Variants in IRF3 observed in about 807,000 individuals in gnomAD.
The protein encoded by IRF3 is interferon regulatory factor 3.
A neutral mutation model predicts 43.2 loss-of-function variants in IRF3; 29 were observed. That is an observed-to-expected ratio of 0.67 (90% CI 0.50 to 0.91). The LOEUF (loss-of-function observed/expected upper bound fraction) is 0.91. Among genes scored for constraint, IRF3 ranks in the 40% least tolerant of loss-of-function variants. IRF3 has a pLI of 0.00. For synonymous variants in IRF3, 228 were observed against 233.9 expected, an observed-to-expected ratio of 0.97 and a Z score of 0.23; for missense variants, 505 against 559.1, an observed-to-expected ratio of 0.90 and a Z score of 0.98.
At position 49,665,809 on chromosome 19, in the gene IRF3, C is replaced by G; in HGVS notation, c.-187G>C. ...ACCAACTTTATCATTCTTTGGGTAACAGACCCAAAAGCCGATGGGACGGCC... is the reference window on the plus strand; with the variant it reads ...ACCAACTTTATCATTCTTTGGGTAAGAGACCCAAAAGCCGATGGGACGGCC... On this transcript the variant is annotated 5_prime_UTR_variant, in exon 1 of 8. Coordinates refer to ENST00000377139, the MANE Select transcript of IRF3 (RefSeq NM_001571.6). The G allele has an allele frequency of 6.3e-7, 1 of 1,579,810 alleles. No homozygotes were observed. The highest frequency in any genetic ancestry group is 1.4e-5 in the African/African-American group (1 of 74,020).
In IRF3 at chr19:49,661,078, C is replaced by T. The variant is rs910068511; in HGVS notation, c.983-250G>A. 8.2e-5 allele frequency: 40 copies of T among 487,332 alleles called. No homozygotes were observed. The South Asian group carries it at 9.7e-4, about 12-fold the overall frequency. The allele number at this position is 487,332 out of a possible 1,614,324, so 30.2% of individuals were successfully genotyped here. Reference sequence around the variant, plus strand: ...TTCATAACAGGCCCAGAGTAGGGGGCCCATGCTCCCAAGGATGCTCAGTGA... The same window carrying T: ...TTCATAACAGGCCCAGAGTAGGGGGTCCATGCTCCCAAGGATGCTCAGTGA... On this transcript the variant is annotated intron_variant, in intron 6 of 7. Transcript: ENST00000377139.
chr19:49,660,719 C>A lies in IRF3; in HGVS notation c.1092G>T (p.Met364Ile). 2.5e-6 allele frequency: 4 copies of A among 1,598,136 alleles called. No homozygotes were observed. The highest frequency in any genetic ancestry group is 3.4e-6 in the Non-Finnish European group (4 of 1,172,864). ...GACTCAGGTCTGCAGGCACCTTGAC[C>A]ATCACGAGCCTCTTGGTCCACGGCT... ...QDQPWTKRLV[M>I]VKVVPTCLRA... Residue 364 changes from methionine (M) to isoleucine (I), a missense_variant, in exon 7 of 8, where the codon ATG (methionine) becomes ATT (isoleucine). Physicochemically the swap from Met to Ile is conservative, Grantham distance 10 (BLOSUM62 1). Coordinates refer to ENST00000377139, the MANE Select transcript of IRF3 (RefSeq NM_001571.6).
intron 2 of IRF3, among the ~76,000 whole-genome samples, chr19:49,664,262 C>T (rs1481001367): frequency 6.6e-6 from 1 of 152,180 alleles, no homozygotes; most frequent in African/African-American, 2.4e-5. Flanking sequence ...ATAACCCCGC[C>T]CCTCACACTG....
chr19:49,660,651 A>G, intron 7 of IRF3, 62 bp downstream of exon 7: 2 of 1,455,200 alleles, frequency 1.4e-6, no homozygotes, highest in Non-Finnish European at 1.8e-6. Flanking sequence ...AGTTCCTGGG[A>G]GCAACCTCTT....
intron 7 of IRF3, among the ~76,000 whole-genome samples, chr19:49,660,420 A>C (rs1026660519): frequency 2.0e-5 from 3 of 152,150 alleles, no homozygotes; most frequent in African/African-American, 7.2e-5. Flanking sequence ...GATGATCTGC[A>C]GTGGAGCAGT....
chr19:49,660,093 A>ATACACACACACAT (rs2081250663), intron 7 of IRF3, among the ~76,000 whole-genome samples: 3 of 130,558 alleles, frequency 2.3e-5, no homozygotes, highest in African/African-American at 6.9e-5. Flanking sequence ...CACACACACA[A>ATACACACACACAT]ACACACACAC....
Position 49,665,656 on chromosome 19 carries a change from G to T in IRF3, c.-34C>A. 2.3e-6 allele frequency: 2 copies of T among 863,080 alleles called. No homozygotes were observed. Among genetic ancestry groups the T allele is most frequent in the Non-Finnish European group, 3.5e-6 (2 of 573,834 alleles). The allele number at this position is 863,080 out of a possible 1,614,324, so 53.5% of individuals were successfully genotyped here. On this transcript the variant is annotated 5_prime_UTR_variant, in exon 1 of 8. Transcript: ENST00000377139. ...CTACGATGGAAGGTCGGGGCGTGCGGGCAGCTGGAACCCACCCCTGTCTTG... is the reference window on the plus strand; with the variant it reads ...CTACGATGGAAGGTCGGGGCGTGCGTGCAGCTGGAACCCACCCCTGTCTTG...
Position 49,663,372 on chromosome 19 carries a change from G to C in IRF3, c.308C>G (p.Pro103Arg). 1 of 1,614,214 alleles carries C rather than the reference G, an allele frequency of 6.2e-7. No individual in the cohort carries two copies. Among genetic ancestry groups the C allele is most frequent in the South Asian group, 1.1e-5 (1 of 91,090 alleles). Residue 103 changes from proline (P) to arginine (R), a missense_variant, in exon 3 of 8, where the codon CCA (proline) becomes CGA (arginine). By Grantham distance (103) the Pro-to-Arg change is moderately radical. Coordinates refer to ENST00000377139, the MANE Select transcript of IRF3 (RefSeq NM_001571.6). ...GTTCACAAACTCGTAGATTTTATGT[G>C]GGTCGTGAGGGTCCTTGCTCCGGTC... ...AEDRSKDPHD[P>R]HKIYEFVNSG...
intron 2 of IRF3, 131 bp downstream of exon 2, chr19:49,664,543 C>T (rs1426730693): frequency 1.3e-6 from 2 of 1,598,108 alleles, no homozygotes; most frequent in African/African-American, 1.3e-5. Flanking sequence ...CCCGTTCTAG[C>T]CCCACCCACC....
At chr19:49,664,622 T>C in intron 2 of IRF3, 52 bp downstream of exon 2, 1 of 1,610,622 alleles carries the variant, frequency 6.2e-7, no homozygotes, top group Non-Finnish European at 8.5e-7. Context: ...AGGAGTCCTT[T>C]CCGCCCAGCG....
chr19:49,660,015 ACACACACACACAC>A (rs1031676020), intron 7 of IRF3, among the ~76,000 whole-genome samples, 182 bp from the exon 8 acceptor site: 5 of 121,272 alleles, frequency 4.1e-5, no homozygotes, highest in African/African-American at 2.1e-4. Context: ...ACACACACAC[ACACACACACACAC>A]CCCCTGCTGT....
chr19:49,662,211 C>A lies in IRF3; in HGVS notation c.719G>T (p.Gly240Val). The A allele has an allele frequency of 3.7e-6, 6 of 1,614,070 alleles. No individual in the cohort carries two copies. The highest frequency in any genetic ancestry group is 5.1e-6 in the Non-Finnish European group (6 of 1,180,048). The change falls in exon 6 of 8, where the codon GGA becomes GTA. Residue 240 changes from glycine (G) to valine (V), a missense_variant. Coordinates refer to ENST00000377139, the MANE Select transcript of IRF3 (RefSeq NM_001571.6). The part of the protein sequence containing the change: ...GSEVGDRTLP[G>V]WPVTLPDPGM... ...AGGGTCTGGCAGTGTGACTGGCCAT[C>A]CAGGCAGCGTCCTGTCTCCCACTTC...
At position 49,663,277 on chromosome 19, in the gene IRF3, AG is replaced by A; in HGVS notation, c.338-20del. 6.2e-7 allele frequency: 1 copy of A among 1,614,042 alleles called. No individual in the cohort carries two copies. Among genetic ancestry groups the A allele is most frequent in the Non-Finnish European group, 8.5e-7 (1 of 1,179,922 alleles). On this transcript the variant is annotated intron_variant, in intron 3 of 7. Coordinates refer to ENST00000377139, the MANE Select transcript of IRF3 (RefSeq NM_001571.6). ...CCAACTCCTGTTGAGAAAAGTGGTG[AG>A]GGGAGTAGGAGTGCCAGGAACCCTT...
chr19:49,663,586 C>G (rs1889477845), intron 2 of IRF3, 72 bp from the exon 3 acceptor site: 1 of 1,457,034 alleles, frequency 6.9e-7, no homozygotes, highest in Non-Finnish European at 9.4e-7. Flanking sequence ...CTAACCCTGT[C>G]TCCCGAGTCC....
rs998085984 is a variant in IRF3, at chr19:49,665,845, T to C, written c.-223A>G. 1 of 1,602,854 alleles carries C rather than the reference T, an allele frequency of 6.2e-7. No homozygotes were observed. Among genetic ancestry groups the C allele is most frequent in the South Asian group, 1.1e-5 (1 of 90,916 alleles). ...GCCGATGGGACGGCCCGCTGGGCTG[T>C]TCCCGCCCCTATGCCCTTTTTTGGG... On this transcript the variant is annotated 5_prime_UTR_variant, in exon 1 of 8. Transcript: ENST00000377139.
chr19:49,662,392 C>A (rs1314126018), intron 5 of IRF3, 33 bp downstream of exon 5: 3 of 1,595,732 alleles, frequency 1.9e-6, no homozygotes, highest in South Asian at 1.1e-5. Flanking sequence ...GCCGCCCAGA[C>A]CTCAGCCCTC....
chr19:49,660,914 C>G (rs2081296889), intron 6 of IRF3, 86 bp from the exon 7 acceptor site: 1 of 1,460,692 alleles, frequency 6.8e-7, no homozygotes, highest in South Asian at 1.3e-5. Flanking sequence ...CCCCCACCAC[C>G]TCCCCTGACC....
intron 7 of IRF3, among the ~76,000 whole-genome samples, 194 bp from the exon 8 acceptor site, chr19:49,660,027 A>ACACACACACACACACACACACACACCC (rs57168131): frequency 4.0e-5 from 3 of 74,750 alleles, no homozygotes; most frequent in African/African-American, 2.0e-4. Context: ...ACACACACAC[A>ACACACACACACACACACACACACACCC]CCCCCTGCTG....
In IRF3 at chr19:49,664,695, C is replaced by T; in HGVS notation, c.144G>A (p.Gln48=). 6.2e-7 allele frequency: 1 copy of T among 1,613,892 alleles called. No individual in the cohort carries two copies. The highest frequency in any genetic ancestry group is 8.5e-7 in the Non-Finnish European group (1 of 1,179,876). Reference sequence around the variant, plus strand: ...GCACCTGGAAGATTCCGAAATCCTCCTGCTGTGCATCCTGCCGTAGGCCGT... The same window carrying T: ...GCACCTGGAAGATTCCGAAATCCTCTTGCTGTGCATCCTGCCGTAGGCCGT... The part of the protein sequence containing the change: ...WKHGLRQDAQ[Q]EDFGIFQAWA... Residue 48 remains glutamine (Q), a synonymous_variant, in exon 2 of 8, where the codon CAG becomes CAA. Coordinates refer to ENST00000377139, the MANE Select transcript of IRF3 (RefSeq NM_001571.6).
Sources: allele counts gnomAD v4.1 joint callset (sites outside exome capture counted in the v4.1 genomes callset), GRCh38; gene constraint gnomAD v4.1.1; transcripts MANE v1.5; gene names NCBI Gene and HGNC (gene_info 2026-07-23, HGNC 2026-07-21).